Variants in KHDRBS2 observed in about 807,000 individuals in gnomAD.
KHDRBS2 encodes KH domain-containing, RNA-binding, signal transduction-associated protein 2.
A neutral mutation model predicts 44.3 loss-of-function variants in KHDRBS2; 26 were observed. The observed-to-expected ratio is 0.59, with a 90% confidence interval of 0.43 to 0.81. The LOEUF (loss-of-function observed/expected upper bound fraction) is 0.81, where lower values mean the gene tolerates loss of function less well. Among genes scored for constraint, KHDRBS2 ranks in the 40% least tolerant of loss-of-function variants. KHDRBS2 has a pLI of 0.00. For synonymous variants in KHDRBS2, 194 were observed against 151.1 expected, an observed-to-expected ratio of 1.28 and a Z score of -2.08; for missense variants, 476 against 433.1, an observed-to-expected ratio of 1.10 and a Z score of -0.88.
At chr6:62,175,759 T>C (rs1042907823) in intron 2 of KHDRBS2, among the ~76,000 whole-genome samples, 13 of 151,486 alleles carry the variant, frequency 8.6e-5, no homozygotes, top group Admixed American at 8.6e-4. Flanking sequence ...TCATAGAATA[T>C]TCTTATTTCG....
intron 1 of KHDRBS2, among the ~76,000 whole-genome samples, chr6:62,199,264 A>T (rs1389897766): frequency 6.6e-6 from 1 of 152,148 alleles, no homozygotes; most frequent in Non-Finnish European, 1.5e-5. Flanking sequence ...AAGGAAATAA[A>T]GGTCATTCAA....
intron 6 of KHDRBS2, among the ~76,000 whole-genome samples, chr6:61,781,813 G>T (rs939431999): frequency 6.6e-6 from 1 of 152,150 alleles, no homozygotes; most frequent in African/African-American, 2.4e-5. Flanking sequence ...GGGAGATAGA[G>T]AAGAAACCTT....
At chr6:61,963,216 T>C (rs1437840619) in intron 4 of KHDRBS2, among the ~76,000 whole-genome samples, 1 of 152,068 alleles carries the variant, frequency 6.6e-6, no homozygotes, top group Non-Finnish European at 1.5e-5. Context: ...CCTGGTTTAA[T>C]GTAATTATAA....
intron 6 of KHDRBS2, among the ~76,000 whole-genome samples, chr6:61,819,862 C>G (rs1789605773): frequency 6.6e-6 from 1 of 151,972 alleles, no homozygotes; most frequent in Non-Finnish European, 1.5e-5. Flanking sequence ...AAGCCAAGAG[C>G]TGGGAACAAG....
intron 2 of KHDRBS2, among the ~76,000 whole-genome samples, chr6:62,141,540 T>C (rs1339173719): frequency 3.3e-5 from 5 of 152,194 alleles, no homozygotes; most frequent in Non-Finnish European, 7.4e-5. Flanking sequence ...TAATTTTTCA[T>C]CTGTTTACTG....
At chr6:61,624,122 T>C in the KHDRBS2 span, among the ~76,000 whole-genome samples, 1 of 152,208 alleles carries the variant, frequency 6.6e-6, no homozygotes, top group Non-Finnish European at 1.5e-5. Context: ...AAGAATTTTG[T>C]ATCATATGTC....
At chr6:62,177,409 CCT>C in intron 1 of KHDRBS2, 97 bp from the exon 2 acceptor site, 1 of 915,590 alleles carries the variant, frequency 1.1e-6, no homozygotes, top group Non-Finnish European at 1.6e-6. Flanking sequence ...TCATATTACT[CCT>C]CTTCTCAAAT....
intron 7 of KHDRBS2, among the ~76,000 whole-genome samples, chr6:61,700,252 G>T (rs1201047187): frequency 6.6e-6 from 1 of 151,334 alleles, no homozygotes; most frequent in Non-Finnish European, 1.5e-5. Context: ...GCATCAAGTG[G>T]TATTAATATG....
At chr6:61,949,443 T>A (rs1764286558) in intron 4 of KHDRBS2, among the ~76,000 whole-genome samples, 1 of 152,098 alleles carries the variant, frequency 6.6e-6, no homozygotes, top group Non-Finnish European at 1.5e-5. Flanking sequence ...ATGAAATCAG[T>A]CTTATCTTCA....
At chr6:61,935,865 A>G (rs765708301) in intron 4 of KHDRBS2, among the ~76,000 whole-genome samples, 1 of 152,164 alleles carries the variant, frequency 6.6e-6, no homozygotes, top group Non-Finnish European at 1.5e-5. Flanking sequence ...AGAGACCATC[A>G]GAGAATGACA....
chr6:61,721,513 T>A (rs941063969), intron 7 of KHDRBS2, among the ~76,000 whole-genome samples: 6 of 142,880 alleles, frequency 4.2e-5, no homozygotes, highest in Admixed American at 7.3e-5. Context: ...TAAGTTGGAT[T>A]CCTAGGTATT....
At chr6:61,559,769 C>A in the KHDRBS2 span, among the ~76,000 whole-genome samples, 1 of 151,992 alleles carries the variant, frequency 6.6e-6, no homozygotes, top group Admixed American at 6.6e-5. Flanking sequence ...GATTGCACTA[C>A]GTCTTGAAAA....
chr6:61,996,865 C>T (rs530962054), intron 3 of KHDRBS2, among the ~76,000 whole-genome samples: 3 of 146,894 alleles, frequency 2.0e-5, no homozygotes, highest in Non-Finnish European at 4.5e-5. Flanking sequence ...CTCACTGCAA[C>T]CTCTGCGCCC....
At chr6:61,957,890 CAT>C (rs1365736285) in intron 4 of KHDRBS2, among the ~76,000 whole-genome samples, 3 of 152,100 alleles carry the variant, frequency 2.0e-5, no homozygotes, top group African/African-American at 7.2e-5. Flanking sequence ...AACCTGCTGA[CAT>C]GTGATGTTTC....
intron 6 of KHDRBS2, among the ~76,000 whole-genome samples, chr6:61,883,923 G>A (rs1371774037): frequency 6.6e-6 from 1 of 151,962 alleles, no homozygotes; most frequent in Admixed American, 6.6e-5. Context: ...AACAAAATCT[G>A]CTTTCTTTGG....
chr6:61,851,208 T>C (rs184896790), intron 6 of KHDRBS2, among the ~76,000 whole-genome samples: 61 of 152,080 alleles, frequency 4.0e-4, no homozygotes, highest in African/African-American at 1.3e-3. Context: ...AATATATATA[T>C]ACACACACAC....
At chr6:61,561,748 G>A in the KHDRBS2 span, among the ~76,000 whole-genome samples, 18 of 152,266 alleles carry the variant, frequency 1.2e-4, no homozygotes, top group Middle Eastern at 3.4e-3. Context: ...AGGGCAGTGG[G>A]CTCCTCTCTG....
intron 1 of KHDRBS2, among the ~76,000 whole-genome samples, chr6:62,273,258 C>T (rs1840370780): frequency 6.6e-6 from 1 of 152,104 alleles, no homozygotes; most frequent in Non-Finnish European, 1.5e-5. Flanking sequence ...GCTCTCCTCC[C>T]CTATGAAGTC....
chr6:61,571,494 C>T, the KHDRBS2 span, among the ~76,000 whole-genome samples: 1 of 146,310 alleles, frequency 6.8e-6, no homozygotes, highest in Non-Finnish European at 1.5e-5. Context: ...ATTCCACTGA[C>T]AGCAATAGTT....
Sources: gnomAD v4.1 joint callset for allele counts (sites outside exome capture counted in the v4.1 genomes callset) on GRCh38, gnomAD v4.1.1 for gene constraint, MANE v1.5 for transcripts, NCBI Gene and HGNC (gene_info 2026-07-23, HGNC 2026-07-21) for gene names.